Variants in RGCC observed in about 807,000 individuals in gnomAD.
RGCC encodes the protein regulator of cell cycle RGCC.
RGCC carries 15 observed loss-of-function variants against 15.4 expected under a neutral mutation model. That is an observed-to-expected ratio of 0.97 (90% CI 0.65 to 1.50). The LOEUF (loss-of-function observed/expected upper bound fraction) is 1.50, where lower values mean the gene tolerates loss of function less well. RGCC is among the 40% of genes most tolerant of loss of function. The probability of loss-of-function intolerance (pLI) is 0.00; values close to 1 mark genes in which losing one functional copy is unlikely to be tolerated. For missense variants in RGCC, 176 were observed against 189.7 expected, an observed-to-expected ratio of 0.93 and a Z score of 0.42; for synonymous variants, 81 against 78.0, an observed-to-expected ratio of 1.04 and a Z score of -0.20.
intron 3 of RGCC, among the ~76,000 whole-genome samples, chr13:41,467,783 C>A (rs530928362): frequency 3.5e-4 from 54 of 152,278 alleles, no homozygotes; most frequent in Admixed American, 8.5e-4. Context: ...CACTATCCAG[C>A]CCTCAGTCTG....
chr13:41,460,457 G>A (rs751229909), intron 2 of RGCC, among the ~76,000 whole-genome samples: 7 of 152,222 alleles, frequency 4.6e-5, no homozygotes, highest in Non-Finnish European at 8.8e-5. Context: ...AATAACAGCA[G>A]CTCACTTTTA....
rs1281662509 is a variant in RGCC, at chr13:41,458,804, TG to T, written c.235+335del. On this transcript the variant is annotated intron_variant, in intron 2 of 4. Coordinates refer to ENST00000379359, the MANE Select transcript of RGCC (RefSeq NM_014059.3). This position sits in a 1 kb window ranked among gnomAD's most constrained non-coding sequence, Gnocchi z 4.4. ...CTTTCCGTGCCTCTCCCCTCTCAGCTGTAACTTTGCAGATGTGGAACAAGTG... is the reference window on the plus strand; with the variant it reads ...CTTTCCGTGCCTCTCCCCTCTCAGCTTAACTTTGCAGATGTGGAACAAGTG... Among the ~76,000 whole-genome samples, 1 of 152,088 alleles carries T rather than the reference TG, an allele frequency of 6.6e-6. No homozygotes were observed. Among genetic ancestry groups the T allele is most frequent in the East Asian group, 1.9e-4 (1 of 5,190 alleles).
chr13:41,468,956 A>G (rs2043861342), intron 4 of RGCC, 118 bp downstream of exon 4: 6 of 727,332 alleles, frequency 8.2e-6, no homozygotes, highest in South Asian at 1.7e-5. Flanking sequence ...TAAGCCTTCT[A>G]TAGGTTTAGA....
At chr13:41,468,920 T>C (rs1246852945) in intron 4 of RGCC, 82 bp downstream of exon 4, 4 of 1,097,640 alleles carry the variant, frequency 3.6e-6, no homozygotes, top group Non-Finnish European at 5.4e-6. Flanking sequence ...GTTAACCAGC[T>C]TGCCCTGGGG....
intron 2 of RGCC, among the ~76,000 whole-genome samples, chr13:41,461,394 T>G (rs1481859773): frequency 6.6e-6 from 1 of 152,242 alleles, no homozygotes; most frequent in Non-Finnish European, 1.5e-5. Context: ...TAGAAATATA[T>G]CTTCTTTTCA....
intron 2 of RGCC, among the ~76,000 whole-genome samples, chr13:41,462,701 A>T (rs2043827816): frequency 6.6e-6 from 1 of 152,224 alleles, no homozygotes; most frequent in African/African-American, 2.4e-5. Context: ...TAATCAGACT[A>T]ACTGGCTATT....
intron 3 of RGCC, among the ~76,000 whole-genome samples, chr13:41,467,484 T>G (rs1006008202): frequency 6.6e-6 from 1 of 152,256 alleles, no homozygotes; most frequent in African/African-American, 2.4e-5. Flanking sequence ...CATGAGCAGT[T>G]TCTTATTTTT....
intron 2 of RGCC, among the ~76,000 whole-genome samples, chr13:41,463,381 G>C (rs1208314112): frequency 6.6e-6 from 1 of 151,660 alleles, no homozygotes; most frequent in African/African-American, 2.4e-5. Context: ...TCAAAACTTG[G>C]AGTTGGGTCT....
chr13:41,462,153 A>G (rs1253827536), intron 2 of RGCC, among the ~76,000 whole-genome samples: 1 of 152,124 alleles, frequency 6.6e-6, no homozygotes, highest in African/African-American at 2.4e-5. Context: ...TTGGTTAATT[A>G]CTATAGTTTG....
intron 2 of RGCC, 30 bp from the exon 3 acceptor site, chr13:41,466,793 T>C: frequency 1.4e-6 from 2 of 1,428,602 alleles, no homozygotes; most frequent in Non-Finnish European, 2.0e-6. Context: ...TGAGTACTAT[T>C]TCTAATGAGT....
At chr13:41,463,196 A>G (rs2043830057) in intron 2 of RGCC, among the ~76,000 whole-genome samples, 1 of 152,298 alleles carries the variant, frequency 6.6e-6, no homozygotes, top group African/African-American at 2.4e-5. Context: ...CGACAGTGGC[A>G]TAGATGCTAG....
Position 41,457,850 on chromosome 13 carries a change from C to T in RGCC, c.49+94C>T, listed in dbSNP as rs2043800320. The T allele has an allele frequency of 7.5e-7, 1 of 1,337,484 alleles. No homozygotes were observed. The highest frequency in any genetic ancestry group is 9.6e-7 in the Non-Finnish European group (1 of 1,041,036). 82.9% of individuals were successfully genotyped at this position (1,337,484 alleles called of 1,614,324 possible). On this transcript the variant is annotated intron_variant, in intron 1 of 4. Coordinates refer to ENST00000379359, the MANE Select transcript of RGCC (RefSeq NM_014059.3). This position sits in a 1 kb window ranked among gnomAD's most constrained non-coding sequence, Gnocchi z 4.9. ...CCGTGTCGTCCCTTCACACCCCCCA[C>T]CCTTCCATCCTCCCCGGCGGGAACC...
intron 4 of RGCC, among the ~76,000 whole-genome samples, chr13:41,469,453 G>A (rs947845490): frequency 6.6e-6 from 1 of 152,080 alleles, no homozygotes; most frequent in Admixed American, 6.6e-5. Flanking sequence ...TTTGAGAAAT[G>A]GAGAGCGAGC....
rs2043872119 is a variant in RGCC at position 41,470,775 on chromosome 13, T to G, written c.*290T>G. On this transcript the variant is annotated 3_prime_UTR_variant, in exon 5 of 5. Transcript: ENST00000379359. ...AGCTTTCCTGTAATTTAAAGTGCTT[T>G]TATGAAAATATTTGTAATTAATTAT... 6.4e-6 allele frequency: 2 copies of G among 313,452 alleles called. No homozygotes were observed. The highest frequency in any genetic ancestry group is 1.2e-5 in the Non-Finnish European group (2 of 173,092). 19.4% of individuals were successfully genotyped at this position (313,452 alleles called of 1,614,324 possible).
rs992742915 is a variant in RGCC at position 41,458,140 on chromosome 13, G to A, written c.50-145G>A. On this transcript the variant is annotated intron_variant, in intron 1 of 4. Coordinates refer to ENST00000379359, the MANE Select transcript of RGCC (RefSeq NM_014059.3). This position sits in a 1 kb window ranked among gnomAD's most constrained non-coding sequence, Gnocchi z 4.4. ...TCGGGGGTGGTGGAGAAGATTACAA[G>A]GTAACAGCGACTGCGTGGCTGTCAC... 7.3e-6 allele frequency: 5 copies of A among 683,032 alleles called. No individual in the cohort carries two copies. The highest frequency in any genetic ancestry group is 7.3e-5 in the African/African-American group (4 of 54,998). 42.3% of individuals were successfully genotyped at this position (683,032 alleles called of 1,614,324 possible).
At chr13:41,459,954 C>T (rs1433912807) in intron 2 of RGCC, among the ~76,000 whole-genome samples, 1 of 152,238 alleles carries the variant, frequency 6.6e-6, no homozygotes, top group East Asian at 1.9e-4. Context: ...CGCGCCCATT[C>T]ATGGCTGATT....
chr13:41,465,995 CATG>C (rs1389948830), intron 2 of RGCC, among the ~76,000 whole-genome samples: 5 of 152,054 alleles, frequency 3.3e-5, no homozygotes, highest in African/African-American at 4.8e-5. Flanking sequence ...AAGCACTGGT[CATG>C]ATGATCCTAT....
intron 3 of RGCC, among the ~76,000 whole-genome samples, chr13:41,467,420 G>C (rs897873597): frequency 6.6e-6 from 1 of 152,194 alleles, no homozygotes; most frequent in Admixed American, 6.5e-5. Flanking sequence ...TAAAATAGCA[G>C]CTCCAGCCTG....
Position 41,466,132 on chromosome 13 carries a change from TCA to T in RGCC, c.236-683_236-682del, listed in dbSNP as rs569852975. 5.3e-3 allele frequency among the ~76,000 whole-genome samples: 796 copies of T among 150,242 alleles called. 6 individuals are homozygous for T. Among genetic ancestry groups the T allele is most frequent in the African/African-American group, 0.019 (759 of 40,690 alleles). On this transcript the variant is annotated intron_variant, in intron 2 of 4. Transcript: ENST00000379359. ...CTCTCACACACACACTCTCATTTTC[TCA>T]CACACACTCCACACTCACACACGCA...
Sources: gnomAD v4.1 joint callset for allele counts (sites outside exome capture counted in the v4.1 genomes callset) on GRCh38, gnomAD v4.1.1 for gene constraint, Gnocchi (gnomAD v3.1) non-coding constraint, MANE v1.5 for transcripts, NCBI Gene and HGNC (gene_info 2026-07-23, HGNC 2026-07-21) for gene names.